Variants in EPHB1 observed in about 807,000 individuals in gnomAD.
EPHB1 encodes EPH receptor B1, also known as ephrin type-B receptor 1.
Under a neutral mutation model 94.4 loss-of-function variants are expected in EPHB1, and 30 were observed. The ratio of observed to expected loss-of-function variants is 0.32; its 90% CI spans 0.24 to 0.43. The LOEUF is 0.43. Ranked by LOEUF, EPHB1 falls within the 20% of genes least tolerant of loss-of-function variation. EPHB1 has a pLI of 1.00. For synonymous variants in EPHB1, 522 were observed against 489.1 expected, an observed-to-expected ratio of 1.07 and a Z score of -0.89; for missense variants, 1,055 against 1,308.3, an observed-to-expected ratio of 0.81 and a Z score of 2.99.
chr3:135,058,765 A>G (rs1425011046), intron 3 of EPHB1, among the ~76,000 whole-genome samples: 7 of 152,212 alleles, frequency 4.6e-5, no homozygotes, highest in South Asian at 2.1e-4. Flanking sequence ...CTCCGGCTAC[A>G]TGGGGATTCT....
intron 4 of EPHB1, among the ~76,000 whole-genome samples, chr3:135,116,408 C>A (rs1559837377): frequency 6.6e-6 from 1 of 152,098 alleles, no homozygotes; most frequent in Non-Finnish European, 1.5e-5. Context: ...CACAGGTGGT[C>A]CCCAGATGGC....
chr3:134,806,768 C>T lies in EPHB1; in HGVS notation c.58+11079C>T, dbSNP rs182511718. 6.6e-5 allele frequency among the ~76,000 whole-genome samples: 10 copies of T among 152,208 alleles called. No individual in the cohort carries two copies. In the East Asian group the frequency reaches 1.9e-3, roughly 29 times the overall value. ...CTCCTACTATGTACCAGGCAGTAGG[C>T]ACAAAACCAGAAATATTACAGCCCT... On this transcript the variant is annotated intron_variant, in intron 1 of 15. Coordinates refer to ENST00000398015, the MANE Select transcript of EPHB1 (RefSeq NM_004441.5).
At chr3:134,846,319 G>A (rs1009700493) in intron 1 of EPHB1, among the ~76,000 whole-genome samples, 4 of 152,324 alleles carry the variant, frequency 2.6e-5, no homozygotes, top group East Asian at 1.9e-4. Context: ...TTGCTTGCAC[G>A]TTGCAATCTG....
At chr3:135,125,101 C>T (rs1940145715) in intron 4 of EPHB1, among the ~76,000 whole-genome samples, 1 of 151,684 alleles carries the variant, frequency 6.6e-6, no homozygotes, top group Non-Finnish European at 1.5e-5. Context: ...TGAGCCCTTC[C>T]AAGCTTCTGC....
chr3:134,875,045 G>A (rs544814418), intron 1 of EPHB1, among the ~76,000 whole-genome samples: 12 of 152,278 alleles, frequency 7.9e-5, no homozygotes, highest in Admixed American at 2.0e-4. Flanking sequence ...CACTTCCGGG[G>A]TACTTTCTAG....
At chr3:134,956,340 C>T (rs761844076) in intron 3 of EPHB1, among the ~76,000 whole-genome samples, 11 of 152,158 alleles carry the variant, frequency 7.2e-5, no homozygotes, top group Non-Finnish European at 1.3e-4. Context: ...CCTCCCAGGA[C>T]ATAGTCCTTG....
intron 3 of EPHB1, among the ~76,000 whole-genome samples, chr3:135,044,241 T>C (rs1210237310): frequency 6.6e-6 from 1 of 152,128 alleles, no homozygotes; most frequent in Non-Finnish European, 1.5e-5. Flanking sequence ...GGCTGCATTG[T>C]TACTGTAGCA....
chr3:135,078,619 C>G (rs562943499), intron 3 of EPHB1, among the ~76,000 whole-genome samples: 19 of 152,344 alleles, frequency 1.2e-4, no homozygotes, highest in African/African-American at 4.3e-4. Context: ...CAGAGAAAGG[C>G]ATTGCCAGCA....
chr3:134,974,065 A>C (rs7614037), intron 3 of EPHB1, among the ~76,000 whole-genome samples: 62,989 of 151,944 alleles, frequency 0.41, 14,092 homozygotes, highest in African/African-American at 0.58. Context: ...AGAGCTGCAT[A>C]TGGGCTGGAG....
At chr3:134,888,685 C>T (rs954086446) in intron 1 of EPHB1, among the ~76,000 whole-genome samples, 5 of 137,676 alleles carry the variant, frequency 3.6e-5, no homozygotes, top group African/African-American at 1.1e-4. Flanking sequence ...TCCAGCCTGG[C>T]GACAGAGTGA....
At chr3:134,972,358 C>G (rs887286312) in intron 3 of EPHB1, among the ~76,000 whole-genome samples, 1 of 140,970 alleles carries the variant, frequency 7.1e-6, no homozygotes, top group Admixed American at 7.1e-5. Flanking sequence ...CTATATCATA[C>G]GTGTTTATAT....
At chr3:135,069,712 T>C (rs1324329560) in intron 3 of EPHB1, among the ~76,000 whole-genome samples, 1 of 152,126 alleles carries the variant, frequency 6.6e-6, no homozygotes, top group Non-Finnish European at 1.5e-5. Context: ...AGCTTTGTGA[T>C]CACAGGCCAC....
chr3:134,885,530 G>A (rs140759590), intron 1 of EPHB1, among the ~76,000 whole-genome samples: 1 of 152,276 alleles, frequency 6.6e-6, no homozygotes, highest in Admixed American at 6.5e-5. Flanking sequence ...TCCACCCCAG[G>A]TTTGAGGAGA....
intron 12 of EPHB1, 39 bp from the exon 13 acceptor site, chr3:135,241,109 C>G: frequency 6.2e-7 from 1 of 1,613,692 alleles, no homozygotes. Flanking sequence ...CAATCAGAAA[C>G]CTGATTGTTG....
intron 1 of EPHB1, among the ~76,000 whole-genome samples, chr3:134,869,005 A>C (rs1429717318): frequency 6.6e-6 from 1 of 152,234 alleles, no homozygotes; most frequent in African/African-American, 2.4e-5. Flanking sequence ...TGCCTCTTAC[A>C]AGTTTTGTGG....
chr3:135,154,552 C>T (rs1231503312), intron 6 of EPHB1: 4 of 359,198 alleles, frequency 1.1e-5, no homozygotes, highest in Admixed American at 4.4e-5. Context: ...TCCCATTTTT[C>T]CAGTCACATG....
chr3:134,987,741 A>G (rs1470353349), intron 3 of EPHB1, among the ~76,000 whole-genome samples: 1 of 151,936 alleles, frequency 6.6e-6, no homozygotes, highest in Non-Finnish European at 1.5e-5. Flanking sequence ...ATTGTATTCC[A>G]GCCTGGGTGA....
At chr3:135,245,167 C>G (rs1051493771) in intron 13 of EPHB1, among the ~76,000 whole-genome samples, 2 of 152,208 alleles carry the variant, frequency 1.3e-5, no homozygotes, top group East Asian at 3.8e-4. Flanking sequence ...GCCGTAATGA[C>G]ACCTTCTGTG....
intron 5 of EPHB1, among the ~76,000 whole-genome samples, chr3:135,146,471 G>T (rs918322368): frequency 6.6e-6 from 1 of 152,200 alleles, no homozygotes; most frequent in Non-Finnish European, 1.5e-5. Flanking sequence ...GGAGCATCGG[G>T]GGCTCCTGGG....
Sources: allele counts gnomAD v4.1 joint callset (sites outside exome capture counted in the v4.1 genomes callset), GRCh38; gene constraint gnomAD v4.1.1; transcripts MANE v1.5; gene names NCBI Gene and HGNC (gene_info 2026-07-23, HGNC 2026-07-21).